The following PRKCB variants were observed in gnomAD, a reference collection of about 807,000 sequenced individuals.
PRKCB encodes the protein protein kinase C beta.
Under a neutral mutation model 81.5 loss-of-function variants are expected in PRKCB, and 13 were observed. The ratio of observed to expected loss-of-function variants is 0.16; its 90% confidence interval spans 0.10 to 0.25. The LOEUF is 0.25. Among genes scored for constraint, PRKCB ranks in the 10% least tolerant of loss-of-function variants. The probability of loss-of-function intolerance (pLI) is 1.00; values close to 1 mark genes in which losing one functional copy is unlikely to be tolerated. For synonymous variants in PRKCB, 335 were observed against 321.4 expected (o/e 1.04, Z -0.45); for missense variants, 509 against 875.7 (o/e 0.58, Z 5.29).
At chr16:24,115,686 A>G (rs1199409792) in intron 8 of PRKCB, among the ~76,000 whole-genome samples, 1 of 151,994 alleles carries the variant, frequency 6.6e-6, no homozygotes, top group Non-Finnish European at 1.5e-5. Context: ...TTATCCCAAG[A>G]GCATTTACCC....
At chr16:24,112,201 A>G (rs1012968124) in intron 7 of PRKCB, among the ~76,000 whole-genome samples, 1 of 152,214 alleles carries the variant, frequency 6.6e-6, no homozygotes, top group African/African-American at 2.4e-5. Flanking sequence ...GTGGCACCCT[A>G]TGCACCCTAT....
chr16:24,141,855 A>T (rs1425206917), intron 9 of PRKCB, among the ~76,000 whole-genome samples: 1 of 152,206 alleles, frequency 6.6e-6, no homozygotes, highest in African/African-American at 2.4e-5. Context: ...ATCTCCCAGG[A>T]CATAGATTTC....
chr16:23,993,046 A>G (rs1169728219), intron 3 of PRKCB, among the ~76,000 whole-genome samples: 6 of 152,126 alleles, frequency 3.9e-5, no homozygotes, highest in African/African-American at 7.2e-5. Flanking sequence ...GGCAGTTGCC[A>G]TGCCAGGCAA....
intron 2 of PRKCB, among the ~76,000 whole-genome samples, chr16:23,940,566 G>A (rs1402312527): frequency 6.6e-6 from 1 of 151,752 alleles, no homozygotes; most frequent in African/African-American, 2.4e-5. Flanking sequence ...ACAGAACAAA[G>A]CAAAGCAAAC....
chr16:24,132,676 T>C (rs1284719868), intron 9 of PRKCB, among the ~76,000 whole-genome samples: 1 of 151,748 alleles, frequency 6.6e-6, no homozygotes, highest in East Asian at 1.9e-4. Context: ...ATGAGGAGAG[T>C]GAGATGCAGA....
At chr16:23,862,386 C>T (rs1221511981) in intron 2 of PRKCB, among the ~76,000 whole-genome samples, 1 of 152,120 alleles carries the variant, frequency 6.6e-6, no homozygotes, top group Non-Finnish European at 1.5e-5. Flanking sequence ...TTATGGAATT[C>T]CTTCCTCACT....
chr16:23,897,412 A>AT (rs1369218554), intron 2 of PRKCB, among the ~76,000 whole-genome samples: 10 of 151,766 alleles, frequency 6.6e-5, no homozygotes, highest in East Asian at 1.9e-4. Context: ...TGAAAAAATT[A>AT]TTTTTTTTGC....
chr16:23,994,404 G>A (rs547725319), intron 3 of PRKCB, among the ~76,000 whole-genome samples: 1 of 152,328 alleles, frequency 6.6e-6, no homozygotes, highest in African/African-American at 2.4e-5. Context: ...TCTTTGACCT[G>A]TAGAGTGAGG....
intron 5 of PRKCB, among the ~76,000 whole-genome samples, chr16:24,052,567 AG>A (rs1280419027): frequency 6.6e-6 from 1 of 152,178 alleles, no homozygotes; most frequent in Non-Finnish European, 1.5e-5. Flanking sequence ...TTTCTGGGAA[AG>A]GGGTGGCAGA....
chr16:24,046,048 TG>T (rs1360446169), intron 5 of PRKCB, among the ~76,000 whole-genome samples: 1 of 152,270 alleles, frequency 6.6e-6, no homozygotes, highest in Non-Finnish European at 1.5e-5. Context: ...TGGTGCAGCA[TG>T]AGCTTCTGGC....
chr16:24,062,766 T>C (rs114002112), intron 5 of PRKCB, among the ~76,000 whole-genome samples: 2,513 of 152,196 alleles, frequency 0.017, 66 homozygotes, highest in African/African-American at 0.057. Context: ...GTGACATTAC[T>C]GGCCCCTCAC....
rs768890246 is a variant in PRKCB at position 24,215,354 on chromosome 16, G to T, written c.*538G>T. ...GTTATTTTTGTAAACTCAAAGTTAA[G>T]ATGATCAAAGTTCTAAAATTCCAAG... On this transcript the variant is annotated 3_prime_UTR_variant, in exon 17 of 17. Coordinates refer to ENST00000643927, the MANE Select transcript of PRKCB (RefSeq NM_002738.7). 5 of 986,144 alleles carry T rather than the reference G, an allele frequency of 5.1e-6. No individual in the cohort carries two copies. Among genetic ancestry groups the T allele is most frequent in the Non-Finnish European group, 6.0e-6 (5 of 830,136 alleles). 61.1% of individuals were successfully genotyped at this position (986,144 alleles called of 1,614,324 possible).
At chr16:23,844,981 T>G (rs902488046) in intron 2 of PRKCB, among the ~76,000 whole-genome samples, 3 of 152,166 alleles carry the variant, frequency 2.0e-5, no homozygotes, top group Non-Finnish European at 1.5e-5. Context: ...TTTGTATTTT[T>G]AGTAGAGACA....
chr16:23,981,136 A>G (rs566532912), intron 2 of PRKCB, among the ~76,000 whole-genome samples: 2 of 152,278 alleles, frequency 1.3e-5, no homozygotes, highest in African/African-American at 4.8e-5. Context: ...CAACATTCTG[A>G]ACAGCAGGTC....
chr16:23,880,993 G>A (rs1963097344), intron 2 of PRKCB, among the ~76,000 whole-genome samples: 1 of 152,052 alleles, frequency 6.6e-6, no homozygotes, highest in Non-Finnish European at 1.5e-5. Context: ...GGTCATGGGG[G>A]TATTTTCCAT....
At chr16:24,003,768 C>T (rs1965073999) in intron 3 of PRKCB, among the ~76,000 whole-genome samples, 1 of 152,152 alleles carries the variant, frequency 6.6e-6, no homozygotes, top group African/African-American at 2.4e-5. Context: ...CTCTTATAAC[C>T]TCAGACCTGG....
intron 2 of PRKCB, among the ~76,000 whole-genome samples, chr16:23,985,294 A>C (rs1005529332): frequency 6.6e-6 from 1 of 152,080 alleles, no homozygotes; most frequent in African/African-American, 2.4e-5. Context: ...ACGGGGTTTC[A>C]CCATGTTGGC....
chr16:24,172,143 C>A, intron 10 of PRKCB, 127 bp from the exon 11 acceptor site: 2 of 695,108 alleles, frequency 2.9e-6, no homozygotes, highest in South Asian at 1.7e-5. Context: ...ACAGGAAGCC[C>A]AGCAAACAGG....
intron 5 of PRKCB, among the ~76,000 whole-genome samples, chr16:24,060,920 T>C (rs972670473): frequency 7.9e-5 from 12 of 152,250 alleles, no homozygotes; most frequent in African/African-American, 2.9e-4. Flanking sequence ...CAGTCTTTTT[T>C]CAGGGAACCC....
Sources: allele counts gnomAD v4.1 joint callset (sites outside exome capture counted in the v4.1 genomes callset), GRCh38; gene constraint gnomAD v4.1.1; transcripts MANE v1.5; gene names NCBI Gene and HGNC (gene_info 2026-07-23, HGNC 2026-07-21).